DPYS: variants seen among roughly 807,000 people sequenced by gnomAD.
DPYS encodes dihydropyrimidinase.
A neutral mutation model predicts 50.3 loss-of-function variants in DPYS; 39 were observed. The observed-to-expected ratio is 0.78, with a 90% confidence interval of 0.60 to 1.01. The LOEUF (loss-of-function observed/expected upper bound fraction) is 1.01, where lower values mean the gene tolerates loss of function less well. DPYS is among the 50% of genes least tolerant of loss of function. The probability of loss-of-function intolerance (pLI) is 0.00; values close to 1 mark genes in which losing one functional copy is unlikely to be tolerated. For synonymous variants in DPYS, 245 were observed against 250.7 expected, an observed-to-expected ratio of 0.98 and a Z score of 0.22; for missense variants, 659 against 680.9, an observed-to-expected ratio of 0.97 and a Z score of 0.36.
At chr8:104,404,368 T>A (rs944092281) in intron 7 of DPYS, among the ~76,000 whole-genome samples, 1 of 152,166 alleles carries the variant, frequency 6.6e-6, no homozygotes, top group Non-Finnish European at 1.5e-5. Context: ...AGCTTATATA[T>A]TTCTGCCAAG....
chr8:104,387,329 T>C (rs957029283), intron 8 of DPYS, among the ~76,000 whole-genome samples: 3 of 152,098 alleles, frequency 2.0e-5, no homozygotes, highest in African/African-American at 7.2e-5. Flanking sequence ...GAGGGAAAGA[T>C]TTTGAAGCAA....
intron 7 of DPYS, 95 bp downstream of exon 7, chr8:104,424,152 G>C: frequency 6.2e-7 from 1 of 1,604,752 alleles, no homozygotes; most frequent in Non-Finnish European, 8.5e-7. Flanking sequence ...AGTCATCTAA[G>C]GAGAAGCGGC....
chr8:104,440,662 G>A (rs978492214), intron 4 of DPYS, among the ~76,000 whole-genome samples: 2 of 152,134 alleles, frequency 1.3e-5, no homozygotes, highest in Non-Finnish European at 2.9e-5. Context: ...GAGAGGCTGA[G>A]GCAGGAGAAG....
chr8:104,419,098 G>A lies in DPYS; in HGVS notation c.1235+5149C>T, dbSNP rs1812468639. The A allele has an allele frequency of 7.1e-6, 7 of 982,804 alleles. No individual in the cohort carries two copies. In the South Asian group the frequency reaches 2.8e-4, roughly 40 times the overall value. The allele number at this position is 982,804 out of a possible 1,614,324, so 60.9% of individuals were successfully genotyped here. On this transcript the variant is annotated intron_variant, in intron 7 of 9. Transcript: ENST00000351513. ...TAAAGAAAATAAGACCAGCGAGACA[G>A]TTCTTCCTCCTCTCCTTGGAAAATC...
chr8:104,423,952 T>C (rs920912599), intron 7 of DPYS: 24 of 980,602 alleles, frequency 2.4e-5, no homozygotes, highest in Middle Eastern at 5.2e-4. Flanking sequence ...GCTTTACCTT[T>C]CTTCCATGTG....
intron 7 of DPYS, 29 bp from the exon 8 acceptor site, chr8:104,393,020 C>A (rs1407104480): frequency 1.2e-6 from 2 of 1,600,586 alleles, no homozygotes; most frequent in South Asian, 1.1e-5. Flanking sequence ...CAAAAAAGTT[C>A]TGGATCATCA....
intron 7 of DPYS, among the ~76,000 whole-genome samples, chr8:104,399,887 A>AAAAT (rs1811735586): frequency 6.6e-6 from 1 of 151,380 alleles, no homozygotes; most frequent in East Asian, 1.9e-4. Context: ...AAAAAAAAAA[A>AAAAT]AAAGAAAGAA....
intron 4 of DPYS, among the ~76,000 whole-genome samples, chr8:104,438,696 G>A (rs1813237354): frequency 6.6e-6 from 1 of 152,176 alleles, no homozygotes; most frequent in Admixed American, 6.5e-5. Flanking sequence ...TACAGAGTCT[G>A]TGTAAAGATA....
At position 104,381,854 on chromosome 8, in the gene DPYS, A is replaced by T. The variant is rs932580307; in HGVS notation, c.1444-540T>A. Among the ~76,000 whole-genome samples, 19 of 109,194 alleles carry T rather than the reference A, an allele frequency of 1.7e-4. 1 individual carries two copies. Among genetic ancestry groups the T allele is most frequent in the African/African-American group, 8.3e-4 (19 of 22,760 alleles). The allele number at this position is 109,194 out of a possible 152,430, so 71.6% of individuals were successfully genotyped here. A position where few individuals can be genotyped will look rare whatever the true frequency, so the allele number is the denominator to read the frequency against. ...AGTGCTTGAGCAGAGTTTTGAAATC[A>T]CACACACACACACACACACACACAC... On this transcript the variant is annotated intron_variant, in intron 8 of 9. Coordinates refer to ENST00000351513, the MANE Select transcript of DPYS (RefSeq NM_001385.3).
At position 104,467,015 on chromosome 8, in the gene DPYS, C is replaced by G; in HGVS notation, c.-95G>C. The G allele has an allele frequency of 7.6e-7, 1 of 1,319,856 alleles. No homozygotes were observed. Among genetic ancestry groups the G allele is most frequent in the Non-Finnish European group, 9.7e-7 (1 of 1,029,750 alleles). The allele number at this position is 1,319,856 out of a possible 1,614,324, so 81.8% of individuals were successfully genotyped here. A position where few individuals can be genotyped will look rare whatever the true frequency, so the allele number is the denominator to read the frequency against. On this transcript the variant is annotated 5_prime_UTR_variant, in exon 1 of 10. Transcript: ENST00000351513. ...GCTTGGGGTGCCCTCCTGCAAGGTC[C>G]CCACCGACAGCCCCCGAGCTCTGCC...
At chr8:104,417,526 C>G (rs1812407278) in intron 7 of DPYS, among the ~76,000 whole-genome samples, 1 of 152,146 alleles carries the variant, frequency 6.6e-6, no homozygotes, top group Non-Finnish European at 1.5e-5. Flanking sequence ...CTCTAAGTAC[C>G]AAGATCTTCT....
At chr8:104,451,185 G>T in intron 2 of DPYS, 61 bp downstream of exon 2, 1 of 1,604,776 alleles carries the variant, frequency 6.2e-7, no homozygotes, top group African/African-American at 1.3e-5. Flanking sequence ...CCAGTTTCTT[G>T]CTCTTGTGCA....
At chr8:104,464,721 T>C (rs184336868) in intron 1 of DPYS, among the ~76,000 whole-genome samples, 101 of 152,330 alleles carry the variant, frequency 6.6e-4, no homozygotes, top group African/African-American at 2.2e-3. Flanking sequence ...CTAAAAAGCA[T>C]AAAGGCAATA....
chr8:104,426,668 G>A (rs1409185136), intron 6 of DPYS, among the ~76,000 whole-genome samples: 1 of 152,162 alleles, frequency 6.6e-6, no homozygotes, highest in Non-Finnish European at 1.5e-5. Context: ...GGGTGAAAAG[G>A]GCATGACACT....
intron 7 of DPYS, among the ~76,000 whole-genome samples, chr8:104,402,491 A>C (rs1811853344): frequency 6.6e-6 from 1 of 152,212 alleles, no homozygotes; most frequent in African/African-American, 2.4e-5. Flanking sequence ...TATTAGCCTG[A>C]ATACTGGTGA....
intron 4 of DPYS, among the ~76,000 whole-genome samples, chr8:104,437,954 A>G (rs1813205879): frequency 6.6e-6 from 1 of 152,246 alleles, no homozygotes; most frequent in African/African-American, 2.4e-5. Context: ...GGATGCCAGC[A>G]GAGAAGGAAA....
intron 3 of DPYS, among the ~76,000 whole-genome samples, chr8:104,445,002 A>C (rs1034723786): frequency 1.3e-5 from 2 of 152,266 alleles, no homozygotes; most frequent in Admixed American, 6.5e-5. Flanking sequence ...GCAAACAGGC[A>C]TATGAAAAGG....
In DPYS at chr8:104,438,845, G is replaced by A. The variant is rs566844424; in HGVS notation, c.793+5403C>T. ...CAGCTCTAATCCCAGCTCTGTGGGA[G>A]GCCATGGTGGGAGGTTAGCCTGAGA... On this transcript the variant is annotated intron_variant, in intron 4 of 9. Coordinates refer to ENST00000351513, the MANE Select transcript of DPYS (RefSeq NM_001385.3). 2.6e-5 allele frequency among the ~76,000 whole-genome samples: 4 copies of A among 152,254 alleles called. No homozygotes were observed. In the East Asian group the frequency reaches 7.7e-4, roughly 29 times the overall value.
chr8:104,444,863 C>G (rs936707624), intron 3 of DPYS, among the ~76,000 whole-genome samples: 1 of 152,114 alleles, frequency 6.6e-6, no homozygotes, highest in African/African-American at 2.4e-5. Flanking sequence ...AACTACCCAT[C>G]TGACAGGGGA....
Sources: allele counts gnomAD v4.1 joint callset (sites outside exome capture counted in the v4.1 genomes callset), GRCh38; gene constraint gnomAD v4.1.1; transcripts MANE v1.5; gene names NCBI Gene and HGNC (gene_info 2026-07-23, HGNC 2026-07-21).